The following RAD54L variants were observed in gnomAD, a reference collection of about 807,000 sequenced individuals.
RAD54L encodes the protein RAD54 like.
RAD54L carries 74 observed loss-of-function variants against 91.6 expected under a neutral mutation model. That is an observed-to-expected ratio of 0.81 (90% confidence interval 0.67 to 0.98). The LOEUF is 0.98. Among genes scored for constraint, RAD54L ranks in the 50% least tolerant of loss-of-function variants. RAD54L has a pLI of 0.00. For synonymous variants in RAD54L, 304 were observed against 349.7 expected (o/e 0.87, Z 1.46); for missense variants, 887 against 945.7 (o/e 0.94, Z 0.81).
Position 46,247,994 on chromosome 1 carries a change from C to T in RAD54L, c.-412C>T. ...CCCCACCCGGGCCTCGGACTTTCACCCCAGCTTCTCTCTCCTGGCCAGTGA... is the reference window on the plus strand; with the variant it reads ...CCCCACCCGGGCCTCGGACTTTCACTCCAGCTTCTCTCTCCTGGCCAGTGA... On this transcript the variant is annotated 5_prime_UTR_variant, in exon 1 of 18. Coordinates refer to ENST00000371975, the MANE Select transcript of RAD54L (RefSeq NM_003579.4). 1 of 310,474 alleles carries T rather than the reference C, an allele frequency of 3.2e-6. No individual in the cohort carries two copies. Among genetic ancestry groups the T allele is most frequent in the Non-Finnish European group, 6.2e-6 (1 of 160,352 alleles). 19.2% of individuals were successfully genotyped at this position (310,474 alleles called of 1,614,324 possible).
At chr1:46,275,654 CCATTTCAAG>C (rs1460896945) in intron 16 of RAD54L, among the ~76,000 whole-genome samples, 1 of 152,198 alleles carries the variant, frequency 6.6e-6, no homozygotes, top group Non-Finnish European at 1.5e-5. Flanking sequence ...TTTCCTTCAA[CCATTTCAAG>C]CATCTACCAT....
intron 3 of RAD54L, 91 bp from the exon 4 acceptor site, chr1:46,258,595 T>C: frequency 1.0e-6 from 1 of 991,442 alleles, no homozygotes; most frequent in Non-Finnish European, 1.6e-6. Flanking sequence ...AGATGGATGC[T>C]GTTGTACAAA....
chr1:46,270,677 A>G lies in RAD54L; in HGVS notation c.1061A>G (p.Lys354Arg). ...TGTTTAGGGACTGCCCATGAATTCA[A>G]GAAGCATTTTGAATTGCCAATTTTG... ...SGILGTAHEFKKHFELPILKG... is the reference protein window; with the variant it reads ...SGILGTAHEFRKHFELPILKG... The change falls in exon 10 of 18, where the codon AAG becomes AGG. Residue 354 changes from lysine to arginine, a missense_variant. By Grantham distance (26) the Lys-to-Arg change is conservative (BLOSUM62 2). Transcript: ENST00000371975. 1 of 1,614,222 alleles carries G rather than the reference A, an allele frequency of 6.2e-7. No individual in the cohort carries two copies. Among genetic ancestry groups the G allele is most frequent in the Non-Finnish European group, 8.5e-7 (1 of 1,180,040 alleles).
intron 15 of RAD54L, 74 bp from the exon 16 acceptor site, chr1:46,274,464 G>A: frequency 1.3e-6 from 2 of 1,523,362 alleles, no homozygotes; most frequent in East Asian, 2.3e-5. Context: ...CATGAGGGAG[G>A]AGCTGGTTGG....
intron 6 of RAD54L, 50 bp downstream of exon 6, chr1:46,260,661 AG>A (rs1171745845): frequency 1.2e-6 from 2 of 1,613,744 alleles, no homozygotes; most frequent in Admixed American, 3.3e-5. Flanking sequence ...TGAGCCTGGG[AG>A]ACTACCATCC....
chr1:46,275,911 A>G (rs1660580234), intron 16 of RAD54L, among the ~76,000 whole-genome samples: 1 of 151,726 alleles, frequency 6.6e-6, no homozygotes, highest in South Asian at 2.1e-4. Context: ...GTGAGCTAGG[A>G]TTGTGCCACT....
intron 8 of RAD54L, among the ~76,000 whole-genome samples, chr1:46,264,882 C>A (rs1660224800): frequency 1.3e-5 from 2 of 152,260 alleles, no homozygotes; most frequent in South Asian, 4.1e-4. Flanking sequence ...CCATGTGGAT[C>A]CTTAGTGACT....
rs1201512171 is a variant in RAD54L, at chr1:46,263,377, T to A, written c.891+1992T>A. On this transcript the variant is annotated intron_variant, in intron 8 of 17. Coordinates refer to ENST00000371975, the MANE Select transcript of RAD54L (RefSeq NM_003579.4). The surrounding 1 kb of genome is among the most constrained non-coding windows in gnomAD (Gnocchi z 4.3). ...TTGCAACTTCTTGGGAGAGTTAACC[T>A]CCTTTGTATACCCCAGAGGTTCTAG... 6.6e-6 allele frequency among the ~76,000 whole-genome samples: 1 copy of A among 152,132 alleles called. No homozygotes were observed. The highest frequency in any genetic ancestry group is 1.5e-5 in the Non-Finnish European group (1 of 68,012).
Position 46,260,475 on chromosome 1 carries a change from A to G in RAD54L, c.408-67A>G, listed in dbSNP as rs370579299. On this transcript the variant is annotated intron_variant, in intron 5 of 17. Transcript: ENST00000371975. ...TCTGTTGCCTCCGGATCAGCAGGAC[A>G]CAGCTTCCTGAGGGTGCTCCCTTGC... 1.6e-4 allele frequency: 237 copies of G among 1,484,706 alleles called. 3 individuals carry two copies. The South Asian group carries it at 2.5e-3, about 16-fold the overall frequency. The allele number at this position is 1,484,706 out of a possible 1,614,324, so 92.0% of individuals were successfully genotyped here.
intron 3 of RAD54L, among the ~76,000 whole-genome samples, 192 bp from the exon 4 acceptor site, chr1:46,258,494 A>G (rs981323902): frequency 1.3e-5 from 2 of 152,128 alleles, no homozygotes; most frequent in African/African-American, 4.8e-5. Context: ...TAATGAGTGA[A>G]TGGTTTCCTG....
At chr1:46,247,700 G>T (rs1659681300), upstream of RAD54L, 1 of 158,336 alleles carries the variant, frequency 6.3e-6, no homozygotes, top group Admixed American at 6.0e-5. Context: ...TGGGTGATAC[G>T]ACGGCAGCGC....
At chr1:46,264,762 A>C (rs1045431156) in intron 8 of RAD54L, among the ~76,000 whole-genome samples, 5 of 152,206 alleles carry the variant, frequency 3.3e-5, no homozygotes, top group African/African-American at 1.2e-4. Context: ...TGCAGGTGTG[A>C]GATTCCAAGT....
chr1:46,267,429 A>G (rs1253551218), intron 8 of RAD54L, 30 bp from the exon 9 acceptor site: 3 of 1,613,244 alleles, frequency 1.9e-6, no homozygotes, highest in South Asian at 2.2e-5. Flanking sequence ...GGAATGCCAC[A>G]TTGCGCTCTG....
At position 46,260,750 on chromosome 1, in the gene RAD54L, T is replaced by C; in HGVS notation, c.501T>C (p.Cys167=). Residue 167 remains cysteine (C), a synonymous_variant, in exon 7 of 18, where the codon TGT becomes TGC. Transcript: ENST00000371975. ...QREGVKFLWE[C]VTSRRIPGSH... is the part of the protein sequence containing the mutation. ...AGGGAGTGAAATTCCTGTGGGAGTGTGTCACCAGTCGGCGCATCCCTGGCA... is the reference window on the plus strand; with the variant it reads ...AGGGAGTGAAATTCCTGTGGGAGTGCGTCACCAGTCGGCGCATCCCTGGCA... The C allele has an allele frequency of 6.2e-7, 1 of 1,614,160 alleles. No individual in the cohort carries two copies. The highest frequency in any genetic ancestry group is 8.5e-7 in the Non-Finnish European group (1 of 1,180,048).
At chr1:46,267,753 G>GGAGT in intron 9 of RAD54L, 144 bp downstream of exon 9, 1 of 1,175,178 alleles carries the variant, frequency 8.5e-7, no homozygotes, top group Non-Finnish European at 1.2e-6. Flanking sequence ...CTCTTGTCAG[G>GGAGT]GAGTAGCAAA....
At chr1:46,271,377 C>T (rs748904096) in intron 10 of RAD54L, among the ~76,000 whole-genome samples, 2 of 152,148 alleles carry the variant, frequency 1.3e-5, no homozygotes, top group African/African-American at 4.8e-5. Flanking sequence ...GATGGCAGGA[C>T]GGGCATGGTG....
chr1:46,267,316 G>C (rs975585626), intron 8 of RAD54L, 143 bp from the exon 9 acceptor site: 1 of 1,022,278 alleles, frequency 9.8e-7, no homozygotes, highest in East Asian at 2.5e-5. Context: ...CACCTGTCTC[G>C]GCCTCCCAAA....
intron 8 of RAD54L, among the ~76,000 whole-genome samples, chr1:46,266,470 C>G (rs1200557320): frequency 2.0e-5 from 3 of 152,154 alleles, no homozygotes; most frequent in African/African-American, 4.8e-5. Flanking sequence ...CTAATCTTGC[C>G]CATGTAGTTC....
chr1:46,273,132 T>C (rs1055751354), intron 12 of RAD54L, among the ~76,000 whole-genome samples: 1 of 152,240 alleles, frequency 6.6e-6, no homozygotes, highest in Non-Finnish European at 1.5e-5. Flanking sequence ...TGCTCTGTTA[T>C]AGCTCCCTTC....
Sources: allele counts gnomAD v4.1 joint callset (sites outside exome capture counted in the v4.1 genomes callset), GRCh38; gene constraint gnomAD v4.1.1; non-coding constraint Gnocchi (gnomAD v3.1); transcripts MANE v1.5; gene names NCBI Gene and HGNC (gene_info 2026-07-23, HGNC 2026-07-21).